Variants in GIT2 observed in about 807,000 individuals in gnomAD.
GIT2 encodes the protein ARF GTPase-activating protein GIT2.
A neutral mutation model predicts 100.3 loss-of-function variants in GIT2; 32 were observed. The observed-to-expected ratio is 0.32, with a 90% CI of 0.24 to 0.43. GIT2 has a LOEUF of 0.43. Among genes scored for constraint, GIT2 ranks in the 20% least tolerant of loss-of-function variants. The pLI, the probability that GIT2 is intolerant of heterozygous loss-of-function variation, is 1.00. For missense variants in GIT2, 737 were observed against 975.1 expected (o/e 0.76, Z 3.25); for synonymous variants, 353 against 364.1 (o/e 0.97, Z 0.35).
chr12:109,988,299 A>G (rs1887765828), intron 4 of GIT2, among the ~76,000 whole-genome samples: 1 of 152,200 alleles, frequency 6.6e-6, no homozygotes, highest in Admixed American at 6.5e-5. Flanking sequence ...TTAATTAATG[A>G]ATGTGCAGAA....
intron 8 of GIT2, 101 bp downstream of exon 8, chr12:109,967,357 G>A: frequency 1.9e-6 from 3 of 1,581,884 alleles, no homozygotes; most frequent in Admixed American, 1.7e-5. Context: ...AGAGAAAAAT[G>A]TATGGGCTTT....
At chr12:109,951,029 AGAC>A in intron 14 of GIT2, 135 bp downstream of exon 14, 1 of 761,110 alleles carries the variant, frequency 1.3e-6, no homozygotes, top group Non-Finnish European at 2.2e-6. Flanking sequence ...TGCTTCAAAA[AGAC>A]AACTTGGCCC....
rs1245371691 is a variant in GIT2, at chr12:109,996,195, C to T, written c.30G>A (p.Val10=). 1 of 1,531,764 alleles carries T rather than the reference C, an allele frequency of 6.5e-7. No individual in the cohort carries two copies. Among genetic ancestry groups the T allele is most frequent in the Non-Finnish European group, 8.8e-7 (1 of 1,139,540 alleles). The allele number at this position is 1,531,764 out of a possible 1,614,324, so 94.9% of individuals were successfully genotyped here. MSKRLRSSE[V]CADCSGPDPS... is the part of the protein sequence containing the mutation. ...CACCCGGCCCGCTGCAGTCAGCGCA[C>T]ACCTCGCTGCTCCGGAGCCGTTTCG... Residue 10 remains valine (V), a synonymous_variant, in exon 1 of 20, where the codon GTG becomes GTA. Transcript: ENST00000355312.
In GIT2 at chr12:109,994,063, T is replaced by C. The variant is rs371264205; in HGVS notation, c.52+2110A>G. Among the ~76,000 whole-genome samples, 38 of 135,846 alleles carry C rather than the reference T, an allele frequency of 2.8e-4. No individual in the cohort carries two copies. The South Asian group carries it at 5.2e-3, about 19-fold the overall frequency. 89.1% of individuals were successfully genotyped at this position (135,846 alleles called of 152,430 possible). On this transcript the variant is annotated intron_variant, in intron 1 of 19. Coordinates refer to ENST00000355312, the MANE Select transcript of GIT2 (RefSeq NM_057169.5). ...AACACTGCTTCCTGCAGTATAGTAC[T>C]GACACTAATGGCAAAAAAAAAAAAA...
At chr12:109,961,093 C>CT (rs1213826312) in intron 11 of GIT2, among the ~76,000 whole-genome samples, 185 bp downstream of exon 11, 3 of 152,154 alleles carry the variant, frequency 2.0e-5, no homozygotes, top group Non-Finnish European at 4.4e-5. Flanking sequence ...GTTTCATATT[C>CT]TTTCCCAGTC....
chr12:109,967,561 G>T lies in GIT2; in HGVS notation c.719-58C>A, dbSNP rs911719038. The T allele has an allele frequency of 1.6e-5, 18 of 1,101,534 alleles. No homozygotes were observed. The Admixed American group carries it at 3.1e-4, about 19-fold the overall frequency. The allele number at this position is 1,101,534 out of a possible 1,614,324, so 68.2% of individuals were successfully genotyped here. ...TAGAAATGTTGATAAGATCTGTAAAGGAACATCACCATTATTTCCTCAAAC... is the reference window on the plus strand; with the variant it reads ...TAGAAATGTTGATAAGATCTGTAAATGAACATCACCATTATTTCCTCAAAC... On this transcript the variant is annotated intron_variant, in intron 7 of 19. Transcript: ENST00000355312.
Position 109,931,073 on chromosome 12 carries a change from G to A in GIT2, c.*1905C>T, listed in dbSNP as rs759802139. 3 of 152,240 alleles carry A rather than the reference G, an allele frequency of 2.0e-5. No homozygotes were observed. The highest frequency in any genetic ancestry group is 4.4e-5 in the Non-Finnish European group (3 of 68,050). The allele number at this position is 152,240 out of a possible 1,614,324, so 9.4% of individuals were successfully genotyped here. ...TGCGACAAAAGCATCCACACACGGT[G>A]ACTTAGTAAAGCAAGCACCGTCGGG... On this transcript the variant is annotated 3_prime_UTR_variant, in exon 20 of 20. Coordinates refer to ENST00000355312, the MANE Select transcript of GIT2 (RefSeq NM_057169.5).
intron 7 of GIT2, among the ~76,000 whole-genome samples, chr12:109,974,051 T>C (rs1436248233): frequency 1.3e-5 from 2 of 150,982 alleles, no homozygotes; most frequent in East Asian, 2.0e-4. Context: ...CAAAAAATAA[T>C]GATGAGAATG....
chr12:109,967,441 T>A lies in GIT2; in HGVS notation c.764+17A>T. 6.4e-7 allele frequency: 1 copy of A among 1,560,490 alleles called. No homozygotes were observed. The highest frequency in any genetic ancestry group is 1.4e-5 in the African/African-American group (1 of 74,030). The stretch of plus-strand genomic sequence containing the variant: ...ATTAGCGATAGACAAAACTAACTGG[T>A]ATTTCAATGAGCTTACCTGTCTGCC... On this transcript the variant is annotated intron_variant, in intron 8 of 19. Coordinates refer to ENST00000355312, the MANE Select transcript of GIT2 (RefSeq NM_057169.5).
chr12:109,991,795 C>A, intron 1 of GIT2, 35 bp from the exon 2 acceptor site: 1 of 1,590,478 alleles, frequency 6.3e-7, no homozygotes, highest in Non-Finnish European at 8.6e-7. Flanking sequence ...GGCAGGGATA[C>A]CAGCAGGTTG....
rs1390538957 is a variant in GIT2, at chr12:109,988,533, C to T, written c.405+430G>A. ...CTCCAGCCTGGGCAACAGAGCAAGA[C>T]CCTGTCTCAAAAAAAACAAACGAAA... On this transcript the variant is annotated intron_variant, in intron 4 of 19. Coordinates refer to ENST00000355312, the MANE Select transcript of GIT2 (RefSeq NM_057169.5). 2.0e-5 allele frequency among the ~76,000 whole-genome samples: 3 copies of T among 151,876 alleles called. 1 individual carries two copies. Among genetic ancestry groups the T allele is most frequent in the South Asian group, 4.2e-4 (2 of 4,794 alleles).
At chr12:109,982,722 C>A (rs1188605702) in intron 6 of GIT2, 1 of 149,804 alleles carries the variant, frequency 6.7e-6, no homozygotes, top group Non-Finnish European at 1.5e-5. Context: ...CTCACAGCAA[C>A]CTCTGCCTCC....
chr12:109,941,409 T>TGGCTGCTAG (rs1337260964), intron 16 of GIT2, among the ~76,000 whole-genome samples: 1 of 152,228 alleles, frequency 6.6e-6, no homozygotes, highest in Non-Finnish European at 1.5e-5. Flanking sequence ...GCTAGAAGTT[T>TGGCTGCTAG]ATAGCAGGAA....
At chr12:109,996,453 T>C, upstream of GIT2, 1 of 520,098 alleles carries the variant, frequency 1.9e-6, no homozygotes, top group South Asian at 2.4e-5. Context: ...CCATCTTGAG[T>C]GAGGGCAGGA....
rs1266611311 is a variant in GIT2 at position 109,931,021 on chromosome 12, TC to T, written c.*1956del. The T allele has an allele frequency of 2.0e-5, 3 of 152,156 alleles. No individual in the cohort carries two copies. The highest frequency in any genetic ancestry group is 1.3e-4 in the Admixed American group (2 of 15,278). The allele number at this position is 152,156 out of a possible 1,614,324, so 9.4% of individuals were successfully genotyped here. On this transcript the variant is annotated 3_prime_UTR_variant, in exon 20 of 20. Coordinates refer to ENST00000355312, the MANE Select transcript of GIT2 (RefSeq NM_057169.5). Reference sequence around the variant, plus strand: ...AGTCTTTTGGAGACGTGGACCCTTTTCCCATGCTACTCACAGTGAAGCAAAA... The same window carrying T: ...AGTCTTTTGGAGACGTGGACCCTTTTCCATGCTACTCACAGTGAAGCAAAA...
chr12:109,975,027 C>G (rs533463084), intron 7 of GIT2, among the ~76,000 whole-genome samples: 1 of 152,106 alleles, frequency 6.6e-6, no homozygotes. Flanking sequence ...CCTCTCTATC[C>G]GTGCTAATAT....
At chr12:109,974,856 G>A (rs1460178841) in intron 7 of GIT2, among the ~76,000 whole-genome samples, 3 of 152,264 alleles carry the variant, frequency 2.0e-5, no homozygotes, top group East Asian at 1.9e-4. Flanking sequence ...ACTAAAAGAT[G>A]AGTGTAGAGT....
chr12:109,975,105 T>C (rs1347265771), intron 7 of GIT2, among the ~76,000 whole-genome samples: 1 of 152,244 alleles, frequency 6.6e-6, no homozygotes, highest in Non-Finnish European at 1.5e-5. Flanking sequence ...CCTGAGCCTT[T>C]ACATGGTATA....
chr12:109,978,408 A>T (rs893202533), intron 7 of GIT2, among the ~76,000 whole-genome samples: 2 of 152,052 alleles, frequency 1.3e-5, no homozygotes, highest in Non-Finnish European at 2.9e-5. Flanking sequence ...TTTTTGGCCA[A>T]TATTTCTTCA....
Sources: allele counts gnomAD v4.1 joint callset (sites outside exome capture counted in the v4.1 genomes callset), GRCh38; gene constraint gnomAD v4.1.1; transcripts MANE v1.5; gene names NCBI Gene and HGNC (gene_info 2026-07-23, HGNC 2026-07-21).